The following ANKS1A variants were observed in gnomAD, a reference collection of about 807,000 sequenced individuals.
ANKS1A encodes the protein ankyrin repeat and sterile alpha motif domain containing 1A.
In ANKS1A, 55 loss-of-function variants were observed where a neutral mutation model predicts 120.3. The ratio of observed to expected loss-of-function variants is 0.46; its 90% confidence interval spans 0.37 to 0.57. ANKS1A has a LOEUF of 0.57. Among genes scored for constraint, ANKS1A ranks in the 20% least tolerant of loss-of-function variants. ANKS1A has a pLI of 0.00. For synonymous variants in ANKS1A, 590 were observed against 604.7 expected, an observed-to-expected ratio of 0.98 and a Z score of 0.36; for missense variants, 1,123 against 1,480.3, an observed-to-expected ratio of 0.76 and a Z score of 3.96.
intron 1 of ANKS1A, among the ~76,000 whole-genome samples, chr6:34,903,747 C>T (rs1015527513): frequency 2.0e-5 from 3 of 152,138 alleles, no homozygotes; most frequent in African/African-American, 7.2e-5. Flanking sequence ...GATCTCCTGA[C>T]CTTGTGAGCC....
rs183671262 is a variant in ANKS1A, at chr6:35,044,542, A to T, written c.2011-9557A>T. On this transcript the variant is annotated intron_variant, in intron 11 of 23. Coordinates refer to ENST00000360359, the MANE Select transcript of ANKS1A (RefSeq NM_015245.3). The surrounding 1 kb of genome is among the most constrained non-coding windows in gnomAD (Gnocchi z 4.4). The stretch of plus-strand genomic sequence containing the variant: ...CCCTGTTCCCTCTCCTCACTTTGGT[A>T]TTGTCTTGGATCCTCCGGTTTGCTT... 6.6e-6 allele frequency among the ~76,000 whole-genome samples: 1 copy of T among 152,070 alleles called. No individual in the cohort carries two copies. Among genetic ancestry groups the T allele is most frequent in the Admixed American group, 6.5e-5 (1 of 15,270 alleles).
At chr6:35,038,144 C>T (rs1406682355) in intron 11 of ANKS1A, 1 of 455,816 alleles carries the variant, frequency 2.2e-6, no homozygotes, top group Non-Finnish European at 4.4e-6. Flanking sequence ...TCCTCTAACT[C>T]CAACCCGCAC....
intron 13 of ANKS1A, among the ~76,000 whole-genome samples, chr6:35,073,708 C>T (rs1317967342): frequency 6.6e-6 from 1 of 152,228 alleles, no homozygotes; most frequent in African/African-American, 2.4e-5. Flanking sequence ...AGTGTCCTGC[C>T]ATGTAGTAAG....
intron 10 of ANKS1A, among the ~76,000 whole-genome samples, chr6:35,007,363 C>T (rs1050573030): frequency 1.3e-5 from 2 of 152,186 alleles, no homozygotes; most frequent in Non-Finnish European, 2.9e-5. Context: ...AGACACAAGG[C>T]CCATGTGATT....
Position 34,989,294 on chromosome 6 carries a change from A to G in ANKS1A, c.1280A>G (p.Tyr427Cys), listed in dbSNP as rs1772387044. The change falls in exon 9 of 24, where the codon TAT becomes TGT. Residue 427 changes from tyrosine (Y) to cysteine (C), a missense_variant. This residue lies in a region of ANKS1A where 904 missense variants were observed against 1,130.4 expected (regional missense o/e 0.80). Coordinates refer to ENST00000360359, the MANE Select transcript of ANKS1A (RefSeq NM_015245.3). ...EEEEDHIDKK[Y>C]FPLTASEVLS... is the part of the protein sequence containing the mutation. The stretch of plus-strand genomic sequence containing the variant: ...GAAGAAGACCACATAGATAAGAAGT[A>G]TTTTCCCTTGACAGCTTCTGAGGTA... 1 of 1,613,942 alleles carries G rather than the reference A, an allele frequency of 6.2e-7. No individual in the cohort carries two copies. The highest frequency in any genetic ancestry group is 1.1e-5 in the South Asian group (1 of 91,072).
chr6:34,957,971 A>G (rs187097468), intron 1 of ANKS1A, among the ~76,000 whole-genome samples: 96 of 152,350 alleles, frequency 6.3e-4, no homozygotes, highest in South Asian at 2.9e-3. Flanking sequence ...AGAGTCAAGT[A>G]TGGGTACCAT....
rs143600462 is a variant in ANKS1A at position 34,899,222 on chromosome 6, T to C, written c.197+9623T>C. On this transcript the variant is annotated intron_variant, in intron 1 of 23. Coordinates refer to ENST00000360359, the MANE Select transcript of ANKS1A (RefSeq NM_015245.3). ...CTACTTATATTCAGAAAGTAACCTTTGTGCAAGCCCAGGACTTTTTAATGG... is the reference window on the plus strand; with the variant it reads ...CTACTTATATTCAGAAAGTAACCTTCGTGCAAGCCCAGGACTTTTTAATGG... 2.7e-3 allele frequency among the ~76,000 whole-genome samples: 409 copies of C among 152,362 alleles called. 2 individuals are homozygous for C. Among genetic ancestry groups the C allele is most frequent in the South Asian group, 4.3e-3 (21 of 4,828 alleles).
intron 1 of ANKS1A, among the ~76,000 whole-genome samples, chr6:34,952,595 T>A (rs1192003930): frequency 6.6e-6 from 1 of 152,236 alleles, no homozygotes; most frequent in East Asian, 1.9e-4. Context: ...AAAGAAACTT[T>A]GCTTTTTCTT....
chr6:35,064,375 G>A (rs1196141788), intron 13 of ANKS1A, among the ~76,000 whole-genome samples: 6 of 152,196 alleles, frequency 3.9e-5, no homozygotes, highest in Admixed American at 6.5e-5. Flanking sequence ...TGCTCCTCCC[G>A]TCAATTTCTT....
Position 35,088,977 on chromosome 6 carries a change from AGAG to A in ANKS1A, c.*371_*373del. 8.2e-7 allele frequency: 1 copy of A among 1,215,686 alleles called. No homozygotes were observed. Among genetic ancestry groups the A allele is most frequent in the South Asian group, 1.8e-5 (1 of 55,460 alleles). The allele number at this position is 1,215,686 out of a possible 1,614,324, so 75.3% of individuals were successfully genotyped here. A position where few individuals can be genotyped will look rare whatever the true frequency, so the allele number is the denominator to read the frequency against. On this transcript the variant is annotated 3_prime_UTR_variant, in exon 24 of 24. Coordinates refer to ENST00000360359, the MANE Select transcript of ANKS1A (RefSeq NM_015245.3). ...ATCTTTAGACAAATGGCCATGGGGC[AGAG>A]GACAGGGGAGCTGAGGTTGGTTCAG...
chr6:34,910,939 G>C (rs776236044), intron 1 of ANKS1A, among the ~76,000 whole-genome samples: 29 of 152,144 alleles, frequency 1.9e-4, no homozygotes, highest in African/African-American at 2.7e-4. Flanking sequence ...CATAAAATGG[G>C]AGAGTGGGGT....
intron 11 of ANKS1A, among the ~76,000 whole-genome samples, chr6:35,037,126 A>G (rs1159052342): frequency 6.6e-6 from 1 of 152,250 alleles, no homozygotes; most frequent in East Asian, 1.9e-4. Context: ...TAATATATAC[A>G]TGGTAGTTCT....
chr6:35,082,793 G>A lies in ANKS1A; in HGVS notation c.2812G>A (p.Glu938Lys), dbSNP rs773043539. 48 of 1,613,742 alleles carry A rather than the reference G, an allele frequency of 3.0e-5. No homozygotes were observed. The Admixed American group carries it at 3.7e-4, about 12-fold the overall frequency. The stretch of plus-strand genomic sequence containing the variant: ...ACACCAGCCAGAGAAACTCATCTTC[G>A]AGTCCTGTGGTTATGAAGCCAATGT... The part of the protein sequence containing the change: ...WQHQPEKLIF[E>K]SCGYEANYLG... The change falls in exon 18 of 24, where the codon GAG (glutamate) becomes AAG (lysine). Residue 938 changes from glutamate to lysine, a missense_variant. Transcript: ENST00000360359. This position sits in a 1 kb window ranked among gnomAD's most constrained non-coding sequence, Gnocchi z 4.1.
intron 11 of ANKS1A, among the ~76,000 whole-genome samples, chr6:35,020,306 A>G (rs2127560762): frequency 6.6e-6 from 1 of 152,362 alleles, no homozygotes; most frequent in South Asian, 2.1e-4. Context: ...TATAGCATTT[A>G]CATTGTATCA....
chr6:35,037,918 A>T (rs1456313526), intron 11 of ANKS1A, among the ~76,000 whole-genome samples: 2 of 152,046 alleles, frequency 1.3e-5, no homozygotes. Context: ...TGGTAAGAGA[A>T]GGGAGAGGGT....
intron 1 of ANKS1A, among the ~76,000 whole-genome samples, chr6:34,911,682 C>T (rs532597569): frequency 1.2e-3 from 189 of 152,316 alleles, no homozygotes; most frequent in Non-Finnish European, 2.3e-3. Context: ...CCAAATTATA[C>T]CCTTTATGCT....
chr6:35,080,198 A>G (rs982342456), intron 16 of ANKS1A, among the ~76,000 whole-genome samples: 16 of 151,858 alleles, frequency 1.1e-4, no homozygotes, highest in African/African-American at 3.9e-4. Flanking sequence ...GCCTGGGGAC[A>G]GGGAGGGGCC....
At chr6:34,941,845 C>T (rs1185217010) in intron 1 of ANKS1A, among the ~76,000 whole-genome samples, 1 of 152,164 alleles carries the variant, frequency 6.6e-6, no homozygotes, top group Non-Finnish European at 1.5e-5. Flanking sequence ...GGGACATGGT[C>T]TAACTTGTGC....
chr6:35,023,662 C>A, intron 11 of ANKS1A: 1 of 438,862 alleles, frequency 2.3e-6, no homozygotes. Flanking sequence ...GCAGTGGTAG[C>A]TGTTGGATCA....
Sources: allele counts gnomAD v4.1 joint callset (sites outside exome capture counted in the v4.1 genomes callset), GRCh38; gene constraint gnomAD v4.1.1; regional missense constraint gnomAD v4.1.1; non-coding constraint Gnocchi (gnomAD v3.1); transcripts MANE v1.5; gene names NCBI Gene and HGNC (gene_info 2026-07-23, HGNC 2026-07-21).